Variants in MARK1 observed in about 807,000 individuals in gnomAD.
The protein encoded by MARK1 is serine/threonine-protein kinase MARK1.
Under a neutral mutation model 96.3 loss-of-function variants are expected in MARK1, and 40 were observed. The ratio of observed to expected loss-of-function variants is 0.42; its 90% confidence interval spans 0.32 to 0.54. The LOEUF (loss-of-function observed/expected upper bound fraction) is 0.54, where lower values mean the gene tolerates loss of function less well. MARK1 is among the 20% of genes least tolerant of loss of function. MARK1 has a pLI of 0.16. For missense variants in MARK1, 719 were observed against 984.6 expected (o/e 0.73, Z 3.61); for synonymous variants, 317 against 341.2 (o/e 0.93, Z 0.78).
In MARK1 at chr1:220,662,290, C is replaced by A; in HGVS notation, c.*124C>A. ...CCCCATGTAGAATTTGCCCTTAATG[C>A]AATAAGGTTATACATAGTTATGAAC... On this transcript the variant is annotated 3_prime_UTR_variant, in exon 18 of 18. Transcript: ENST00000366917. The A allele has an allele frequency of 1.5e-6, 1 of 670,388 alleles. No individual in the cohort carries two copies. The highest frequency in any genetic ancestry group is 2.5e-6 in the Non-Finnish European group (1 of 397,930). 41.5% of individuals were successfully genotyped at this position (670,388 alleles called of 1,614,324 possible).
chr1:220,606,238 T>G (rs1442846711), intron 6 of MARK1, among the ~76,000 whole-genome samples: 3 of 152,228 alleles, frequency 2.0e-5, no homozygotes, highest in Non-Finnish European at 2.9e-5. Context: ...AGATGGTATC[T>G]CATTGTGGTT....
chr1:220,623,667 C>T (rs1667164667), intron 9 of MARK1, among the ~76,000 whole-genome samples: 1 of 152,188 alleles, frequency 6.6e-6, no homozygotes, highest in African/African-American at 2.4e-5. Flanking sequence ...TTTTCTGACT[C>T]AGCCTAGCCT....
At position 220,545,439 on chromosome 1, in the gene MARK1, GTTT is replaced by G. The variant is rs35422682; in HGVS notation, c.51+16587_51+16589del. ...AAATTCAGTGGGCTGCTTTCTCATG[GTTT>G]TTTTTTTTTTTTTTTTTTTTGAGAT... On this transcript the variant is annotated intron_variant, in intron 1 of 17. Coordinates refer to ENST00000366917, the MANE Select transcript of MARK1 (RefSeq NM_018650.5). Among the ~76,000 whole-genome samples, 8 of 87,262 alleles carry G rather than the reference GTTT, an allele frequency of 9.2e-5. No homozygotes were observed. The Admixed American group carries it at 9.4e-4, about 10-fold the overall frequency. 57.2% of individuals were successfully genotyped at this position (87,262 alleles called of 152,430 possible). A position where few individuals can be genotyped will look rare whatever the true frequency, so the allele number is the denominator to read the frequency against.
intron 1 of MARK1, among the ~76,000 whole-genome samples, chr1:220,542,088 G>A (rs773477558): frequency 7.9e-5 from 12 of 152,132 alleles, no homozygotes; most frequent in Non-Finnish European, 1.2e-4. Flanking sequence ...CATTGGATCC[G>A]TGCTCCACTC....
At chr1:220,659,746 T>G (rs1254698025) in intron 17 of MARK1, among the ~76,000 whole-genome samples, 1 of 152,326 alleles carries the variant, frequency 6.6e-6, no homozygotes, top group East Asian at 1.9e-4. Flanking sequence ...CCCTAAATTC[T>G]AGTCTTCACT....
rs113762335 is a variant in MARK1, at chr1:220,559,365, A to G, written c.52-19989A>G. Among the ~76,000 whole-genome samples the G allele has an allele frequency of 3.6e-3, 556 of 152,370 alleles. 5 individuals are homozygous for G. The highest frequency in any genetic ancestry group is 0.013 in the African/African-American group (525 of 41,596). ...GGTAACTGATGATCTTGACAAGGCT[A>G]GTCTCAGTGGAATGATGGAGGCAAA... On this transcript the variant is annotated intron_variant, in intron 1 of 17. Transcript: ENST00000366917.
intron 1 of MARK1, among the ~76,000 whole-genome samples, chr1:220,562,487 A>G (rs1047528328): frequency 3.9e-5 from 6 of 152,140 alleles, no homozygotes; most frequent in Admixed American, 2.6e-4. Context: ...AAACAAAAAC[A>G]AAAACAGTAG....
rs1160321832 is a variant in MARK1, at chr1:220,664,150, C to G, written c.*1984C>G. 1 of 152,100 alleles carries G rather than the reference C, an allele frequency of 6.6e-6. No individual in the cohort carries two copies. Among genetic ancestry groups the G allele is most frequent in the African/African-American group, 2.4e-5 (1 of 41,440 alleles). 9.4% of individuals were successfully genotyped at this position (152,100 alleles called of 1,614,324 possible). On this transcript the variant is annotated 3_prime_UTR_variant, in exon 18 of 18. Coordinates refer to ENST00000366917, the MANE Select transcript of MARK1 (RefSeq NM_018650.5). The stretch of plus-strand genomic sequence containing the variant: ...TTAAAAAAATAGACTCATGTGTTTT[C>G]CACGGTAGAAACTGATATTTTTTTA...
chr1:220,565,252 T>C (rs550550060), intron 1 of MARK1, among the ~76,000 whole-genome samples: 3 of 152,314 alleles, frequency 2.0e-5, no homozygotes, highest in African/African-American at 7.2e-5. Context: ...ACATGAATGA[T>C]CAGTTTTCTC....
At chr1:220,626,715 G>A (rs2102992783) in intron 9 of MARK1, 5 of 334,628 alleles carry the variant, frequency 1.5e-5, no homozygotes, top group South Asian at 1.3e-4. Context: ...CCAGCTATTC[G>A]GGAGGCTGAG....
intron 1 of MARK1, among the ~76,000 whole-genome samples, chr1:220,533,938 C>G (rs1222597426): frequency 6.6e-6 from 1 of 152,010 alleles, no homozygotes; most frequent in East Asian, 1.9e-4. Flanking sequence ...GTAGTATAAC[C>G]TATACTATAG....
intron 1 of MARK1, among the ~76,000 whole-genome samples, chr1:220,567,973 T>C (rs183488001): frequency 2.0e-5 from 3 of 152,290 alleles, no homozygotes; most frequent in Admixed American, 1.3e-4. Flanking sequence ...GTGTCTCTTA[T>C]GGGCAGCATA....
intron 11 of MARK1, among the ~76,000 whole-genome samples, chr1:220,632,809 A>G (rs942161388): frequency 8.5e-5 from 13 of 152,236 alleles, no homozygotes; most frequent in East Asian, 1.9e-4. Context: ...CAGGAGAACT[A>G]TAATAAGGAG....
chr1:220,557,094 A>G (rs1305453842), intron 1 of MARK1, among the ~76,000 whole-genome samples: 5 of 152,208 alleles, frequency 3.3e-5, no homozygotes, highest in Admixed American at 6.5e-5. Flanking sequence ...ATTCATACCT[A>G]TGGAATGGCA....
intron 1 of MARK1, among the ~76,000 whole-genome samples, chr1:220,573,307 A>G (rs1402287418): frequency 6.6e-6 from 1 of 151,918 alleles, no homozygotes; most frequent in Non-Finnish European, 1.5e-5. Flanking sequence ...ACCACAGATC[A>G]TAGAGGCTTT....
At chr1:220,655,302 C>T (rs1450676431) in intron 16 of MARK1, among the ~76,000 whole-genome samples, 1 of 152,144 alleles carries the variant, frequency 6.6e-6, no homozygotes, top group Admixed American at 6.5e-5. Flanking sequence ...CATTAGATTC[C>T]GTCCTGTATG....
intron 13 of MARK1, among the ~76,000 whole-genome samples, chr1:220,650,342 A>G (rs1668803966): frequency 6.6e-6 from 1 of 152,094 alleles, no homozygotes; most frequent in African/African-American, 2.4e-5. Flanking sequence ...CCAGCTCACA[A>G]AGGAGGGAGT....
chr1:220,599,737 TC>T, intron 4 of MARK1, 60 bp from the exon 5 acceptor site: 2 of 885,898 alleles, frequency 2.3e-6, no homozygotes, highest in Non-Finnish European at 3.5e-6. Flanking sequence ...CCTTAGATTT[TC>T]TTAAAGCATA....
At chr1:220,649,908 T>G (rs1022903613) in intron 13 of MARK1, among the ~76,000 whole-genome samples, 7 of 152,202 alleles carry the variant, frequency 4.6e-5, no homozygotes, top group Non-Finnish European at 8.8e-5. Flanking sequence ...TGGTGAGTAG[T>G]CAAGGATTTG....
Sources: allele counts gnomAD v4.1 joint callset (sites outside exome capture counted in the v4.1 genomes callset), GRCh38; gene constraint gnomAD v4.1.1; transcripts MANE v1.5; gene names NCBI Gene and HGNC (gene_info 2026-07-23, HGNC 2026-07-21).